MCHR2: variants seen among roughly 807,000 people sequenced by gnomAD.
MCHR2 encodes melanin-concentrating hormone receptor 2.
MCHR2 carries 15 observed loss-of-function variants against 24.8 expected under a neutral mutation model. The observed-to-expected ratio is 0.60, with a 90% CI of 0.40 to 0.93. The LOEUF is 0.93. MCHR2 is among the 40% of genes least tolerant of loss of function. The probability of loss-of-function intolerance (pLI) is 0.00; values close to 1 mark genes in which losing one functional copy is unlikely to be tolerated. For missense variants in MCHR2, 386 were observed against 408.7 expected, an observed-to-expected ratio of 0.94 and a Z score of 0.48; for synonymous variants, 151 against 147.6, an observed-to-expected ratio of 1.02 and a Z score of -0.17.
chr6:99,926,366 G>A (rs1174381917), intron 5 of MCHR2, among the ~76,000 whole-genome samples: 2 of 152,190 alleles, frequency 1.3e-5, no homozygotes, highest in Non-Finnish European at 2.9e-5. Flanking sequence ...GGGATGGCTG[G>A]GTCAAATAGT....
chr6:99,944,722 G>A (rs977495115), intron 3 of MCHR2, among the ~76,000 whole-genome samples: 2 of 152,144 alleles, frequency 1.3e-5, no homozygotes, highest in Admixed American at 6.6e-5. Context: ...TATAGGATGA[G>A]GAAGTCATGG....
rs115941546 is a variant in MCHR2 at position 99,931,579 on chromosome 6, A to G, written c.707+2819T>C. On this transcript the variant is annotated intron_variant, in intron 5 of 5. Coordinates refer to ENST00000281806, the MANE Select transcript of MCHR2 (RefSeq NM_001040179.2). Reference sequence around the variant, plus strand: ...TCCCCCACCCTCGCTGCCGCCTTGCAGTTTGGTCTGACTGCTGTGCTAGCA... The same window carrying G: ...TCCCCCACCCTCGCTGCCGCCTTGCGGTTTGGTCTGACTGCTGTGCTAGCA... Among the ~76,000 whole-genome samples, 1,136 of 152,082 alleles carry G rather than the reference A, an allele frequency of 7.5e-3. 9 individuals are homozygous for G. Among genetic ancestry groups the G allele is most frequent in the African/African-American group, 0.025 (1,047 of 41,486 alleles).
chr6:99,954,535 A>G (rs375579718), intron 2 of MCHR2, among the ~76,000 whole-genome samples: 1 of 152,210 alleles, frequency 6.6e-6, no homozygotes, highest in East Asian at 1.9e-4. Context: ...CAAGGGAAAA[A>G]TGACCCTCCC....
chr6:99,918,664 T>C lies in MCHR2; in HGVS notation c.*2276A>G, dbSNP rs1429428562. ...TATTAACTTCATTTGAAAGTAAACA[T>C]GTATACATATCATGGCCAAACATAG... On this transcript the variant is annotated 3_prime_UTR_variant, in exon 6 of 6. Transcript: ENST00000281806. 6.6e-6 allele frequency among the ~76,000 whole-genome samples: 1 copy of C among 152,200 alleles called. No individual in the cohort carries two copies. Among genetic ancestry groups the C allele is most frequent in the Non-Finnish European group, 1.5e-5 (1 of 68,022 alleles).
intron 2 of MCHR2, among the ~76,000 whole-genome samples, chr6:99,954,052 C>T (rs1325657071): frequency 6.6e-6 from 1 of 152,088 alleles, no homozygotes; most frequent in Non-Finnish European, 1.5e-5. Flanking sequence ...CTGAGGGCTC[C>T]TCTTGCTCTC....
intron 1 of MCHR2, among the ~76,000 whole-genome samples, chr6:99,967,995 GTAA>G (rs1271179722): frequency 3.9e-5 from 6 of 152,278 alleles, no homozygotes; most frequent in African/African-American, 1.4e-4. Context: ...TGGTAAAACA[GTAA>G]TAATAATAGT....
intron 1 of MCHR2, among the ~76,000 whole-genome samples, chr6:99,977,304 T>C (rs796867964): frequency 3.9e-5 from 6 of 152,232 alleles, no homozygotes; most frequent in African/African-American, 1.4e-4. Flanking sequence ...TCAAGTTCTA[T>C]GCCTTCTAAG....
At chr6:99,933,579 C>A (rs1224317379) in intron 5 of MCHR2, among the ~76,000 whole-genome samples, 3 of 152,052 alleles carry the variant, frequency 2.0e-5, no homozygotes, top group Non-Finnish European at 4.4e-5. Context: ...TACTTACAAA[C>A]CTTTGGTTCA....
At chr6:99,956,441 G>C (rs1011929349) in intron 1 of MCHR2, among the ~76,000 whole-genome samples, 2 of 152,058 alleles carry the variant, frequency 1.3e-5, no homozygotes, top group African/African-American at 4.8e-5. Context: ...TATATGCTTT[G>C]AGCATAGGTG....
At chr6:99,972,012 C>G (rs1410648181) in intron 1 of MCHR2, among the ~76,000 whole-genome samples, 5 of 152,196 alleles carry the variant, frequency 3.3e-5, no homozygotes, top group Non-Finnish European at 5.9e-5. Flanking sequence ...GGATATTGGT[C>G]TAAAATTCTC....
intron 1 of MCHR2, among the ~76,000 whole-genome samples, chr6:99,971,465 G>A (rs1582402548): frequency 2.0e-5 from 3 of 152,296 alleles, no homozygotes; most frequent in Non-Finnish European, 4.4e-5. Flanking sequence ...TTTGGGCTGA[G>A]ACATTGGGGT....
Position 99,920,703 on chromosome 6 carries a change from C to T in MCHR2, c.*237G>A, listed in dbSNP as rs200768803. ...TGAAATAATATACACCATCATGAAGCCTGGGTATCTCAGACTATCCCATTC... is the reference window on the plus strand; with the variant it reads ...TGAAATAATATACACCATCATGAAGTCTGGGTATCTCAGACTATCCCATTC... On this transcript the variant is annotated 3_prime_UTR_variant, in exon 6 of 6. Coordinates refer to ENST00000281806, the MANE Select transcript of MCHR2 (RefSeq NM_001040179.2). 2.3e-5 allele frequency: 11 copies of T among 486,808 alleles called. No individual in the cohort carries two copies. The highest frequency in any genetic ancestry group is 2.2e-5 in the Non-Finnish European group (6 of 269,826). 30.2% of individuals were successfully genotyped at this position (486,808 alleles called of 1,614,324 possible).
intron 2 of MCHR2, among the ~76,000 whole-genome samples, chr6:99,948,467 G>C (rs145642002): frequency 6.6e-6 from 1 of 152,156 alleles, no homozygotes; most frequent in African/African-American, 2.4e-5. Flanking sequence ...TCCAGGTATG[G>C]GAATAAGCTA....
intron 1 of MCHR2, among the ~76,000 whole-genome samples, chr6:99,987,597 T>C (rs928309239): frequency 2.0e-5 from 3 of 152,218 alleles, no homozygotes; most frequent in African/African-American, 7.2e-5. Flanking sequence ...CAACATTCCA[T>C]GCTTTTTCCA....
At chr6:99,922,755 T>C (rs1042037686) in intron 5 of MCHR2, among the ~76,000 whole-genome samples, 37 of 152,218 alleles carry the variant, frequency 2.4e-4, no homozygotes, top group African/African-American at 8.9e-4. Flanking sequence ...TCTATGTCTC[T>C]GTTATTATGC....
At chr6:99,970,370 G>A (rs201428337) in intron 1 of MCHR2, among the ~76,000 whole-genome samples, 3,011 of 152,238 alleles carry the variant, frequency 0.02, 89 homozygotes, top group East Asian at 0.12. Flanking sequence ...TTTGAGAAGT[G>A]TCTGTTCATA....
intron 1 of MCHR2, among the ~76,000 whole-genome samples, chr6:99,973,942 T>C (rs945079363): frequency 2.6e-5 from 4 of 152,260 alleles, no homozygotes; most frequent in Non-Finnish European, 5.9e-5. Context: ...GTTAATCTGA[T>C]GGGCTTCCCT....
intron 5 of MCHR2, among the ~76,000 whole-genome samples, chr6:99,931,824 C>T (rs921026312): frequency 6.6e-6 from 1 of 152,198 alleles, no homozygotes; most frequent in Non-Finnish European, 1.5e-5. Flanking sequence ...CTTTGGTTCG[C>T]TCACGGTGCA....
Position 99,918,690 on chromosome 6 carries a change from A to G in MCHR2, c.*2250T>C, listed in dbSNP as rs1774165318. 6.6e-6 allele frequency among the ~76,000 whole-genome samples: 1 copy of G among 152,226 alleles called. No homozygotes were observed. The highest frequency in any genetic ancestry group is 2.4e-5 in the African/African-American group (1 of 41,464). On this transcript the variant is annotated 3_prime_UTR_variant, in exon 6 of 6. Coordinates refer to ENST00000281806, the MANE Select transcript of MCHR2 (RefSeq NM_001040179.2). ...GTATACATATCATGGCCAAACATAGAAAACACACAAAGAATCTCTATCAAA... is the reference window on the plus strand; with the variant it reads ...GTATACATATCATGGCCAAACATAGGAAACACACAAAGAATCTCTATCAAA...
Sources: gnomAD v4.1 joint callset for allele counts (sites outside exome capture counted in the v4.1 genomes callset) on GRCh38, gnomAD v4.1.1 for gene constraint, MANE v1.5 for transcripts, NCBI Gene and HGNC (gene_info 2026-07-23, HGNC 2026-07-21) for gene names.